The following TMEM266 variants were observed in gnomAD, a reference collection of about 807,000 sequenced individuals.
TMEM266 encodes transmembrane protein 266, also known as Hv1 related protein 1.
A neutral mutation model predicts 50.5 loss-of-function variants in TMEM266; 33 were observed. The ratio of observed to expected loss-of-function variants is 0.65; its 90% confidence interval spans 0.50 to 0.87. The LOEUF is 0.87. Ranked by LOEUF, TMEM266 falls within the 40% of genes least tolerant of loss-of-function variation. TMEM266 has a pLI of 0.00. For missense variants in TMEM266, 655 were observed against 695.1 expected (o/e 0.94, Z 0.65); for synonymous variants, 310 against 292.3 (o/e 1.06, Z -0.62).
intron 1 of TMEM266, among the ~76,000 whole-genome samples, chr15:76,093,734 T>C (rs944720881): frequency 2.6e-4 from 37 of 142,062 alleles, no homozygotes; most frequent in African/African-American, 8.2e-4. Flanking sequence ...CCACCAACAG[T>C]GTAAAAAGCA....
intron 1 of TMEM266, among the ~76,000 whole-genome samples, chr15:76,098,171 A>G (rs1179419516): frequency 6.6e-6 from 1 of 151,920 alleles, no homozygotes; most frequent in Non-Finnish European, 1.5e-5. Flanking sequence ...CCTTTGGAGG[A>G]GAAGAGGCAT....
chr15:76,093,057 C>T (rs1320120920), intron 1 of TMEM266, among the ~76,000 whole-genome samples: 4 of 151,836 alleles, frequency 2.6e-5, no homozygotes, highest in East Asian at 3.9e-4. Flanking sequence ...CCACCCGCCT[C>T]GGCCTCCTAA....
intron 1 of TMEM266, among the ~76,000 whole-genome samples, chr15:76,086,931 G>GGC (rs1555445652): frequency 1.0e-5 from 1 of 98,942 alleles, no homozygotes; most frequent in African/African-American, 3.6e-5. Flanking sequence ...AGCAGGTCGG[G>GGC]GGGGGGGCGG....
intron 8 of TMEM266, among the ~76,000 whole-genome samples, chr15:76,177,270 C>T (rs1018956008): frequency 3.3e-5 from 5 of 152,232 alleles, no homozygotes; most frequent in Admixed American, 6.5e-5. Context: ...GCCAGCACTC[C>T]GCGCGTTGTA....
In TMEM266 at chr15:76,203,778, C is replaced by T; in HGVS notation, c.1059C>T (p.Thr353=). Residue 353 remains threonine (T), a synonymous_variant, in exon 11 of 11, where the codon ACC becomes ACT. Coordinates refer to ENST00000388942, the MANE Select transcript of TMEM266 (RefSeq NM_152335.3). ...CAGAGCCAGCTGTGTGTATGGTCAC[C>T]ACGGCCGCAATAGACATTCACCAGC... 1 of 1,614,106 alleles carries T rather than the reference C, an allele frequency of 6.2e-7. No individual in the cohort carries two copies. The highest frequency in any genetic ancestry group is 8.5e-7 in the Non-Finnish European group (1 of 1,179,972).
chr15:76,102,064 C>T (rs975811351), intron 1 of TMEM266, among the ~76,000 whole-genome samples: 3 of 152,174 alleles, frequency 2.0e-5, no homozygotes, highest in African/African-American at 4.8e-5. Flanking sequence ...GGGTGACCTG[C>T]GGCAACTCTT....
rs183525405 is a variant in TMEM266, at chr15:76,139,569, G to C, written c.227+1674G>C. On this transcript the variant is annotated intron_variant, in intron 3 of 10. Coordinates refer to ENST00000388942, the MANE Select transcript of TMEM266 (RefSeq NM_152335.3). The surrounding 1 kb of genome is among the most constrained non-coding windows in gnomAD (Gnocchi z 4.1). Reference sequence around the variant, plus strand: ...CTAAATGCTCTGCCGCTGCTGTCTTGAAATTCTTAAGGAGCCCCACATTTT... The same window carrying C: ...CTAAATGCTCTGCCGCTGCTGTCTTCAAATTCTTAAGGAGCCCCACATTTT... 1.3e-5 allele frequency among the ~76,000 whole-genome samples: 2 copies of C among 152,334 alleles called. No homozygotes were observed. Among genetic ancestry groups the C allele is most frequent in the East Asian group, 1.9e-4 (1 of 5,186 alleles).
intron 8 of TMEM266, among the ~76,000 whole-genome samples, chr15:76,187,855 C>T (rs1270208848): frequency 6.6e-6 from 1 of 152,176 alleles, no homozygotes; most frequent in Non-Finnish European, 1.5e-5. Context: ...AACTGGTTTC[C>T]TGCATTGATT....
intron 1 of TMEM266, among the ~76,000 whole-genome samples, chr15:76,076,098 T>C (rs1828842438): frequency 6.6e-6 from 1 of 151,780 alleles, no homozygotes; most frequent in African/African-American, 2.4e-5. Context: ...ACTCAAGTGA[T>C]CCTCCTGTCT....
chr15:76,076,738 A>G (rs2141987902), intron 1 of TMEM266, among the ~76,000 whole-genome samples: 1 of 152,204 alleles, frequency 6.6e-6, no homozygotes, highest in South Asian at 2.1e-4. Context: ...ATGGGCCTCA[A>G]AAGATAGAAA....
intron 1 of TMEM266, among the ~76,000 whole-genome samples, chr15:76,099,118 C>T (rs1298046983): frequency 6.6e-6 from 1 of 152,176 alleles, no homozygotes; most frequent in Non-Finnish European, 1.5e-5. Flanking sequence ...TTCCAGGCGC[C>T]ACTGGGGTAT....
At chr15:76,189,351 G>GGGGAGGGA (rs57673397) in intron 8 of TMEM266, among the ~76,000 whole-genome samples, 1 of 143,822 alleles carries the variant, frequency 7.0e-6, no homozygotes, top group African/African-American at 2.8e-5. Context: ...GAAAGAAGGA[G>GGGGAGGGA]GGGAGGGAGG....
rs536493728 is a variant in TMEM266 at position 76,177,737 on chromosome 15, C to T, written c.768+2063C>T. ...AGCTTCATTCATTCTCTTGCCATAT[C>T]GCGTGGTTAGCCAGCACCGTCCAGA... On this transcript the variant is annotated intron_variant, in intron 8 of 10. Transcript: ENST00000388942. 3.9e-5 allele frequency among the ~76,000 whole-genome samples: 6 copies of T among 152,376 alleles called. No homozygotes were observed. The East Asian group carries it at 7.7e-4, about 20-fold the overall frequency.
At chr15:76,080,694 G>A (rs1567143435) in intron 1 of TMEM266, among the ~76,000 whole-genome samples, 1 of 152,050 alleles carries the variant, frequency 6.6e-6, no homozygotes, top group Non-Finnish European at 1.5e-5. Context: ...GCGGCCACCT[G>A]TCTCCTGGCC....
chr15:76,102,672 C>G (rs1394604241), intron 1 of TMEM266, among the ~76,000 whole-genome samples: 1 of 151,940 alleles, frequency 6.6e-6, no homozygotes, highest in East Asian at 1.9e-4. Flanking sequence ...AACTCTATCT[C>G]TACTAAAAAT....
At chr15:76,068,205 T>G (rs748092921) in intron 1 of TMEM266, among the ~76,000 whole-genome samples, 5 of 152,222 alleles carry the variant, frequency 3.3e-5, no homozygotes, top group Non-Finnish European at 7.3e-5. Context: ...TCTGAAAAAC[T>G]TTAAGGCCCC....
intron 1 of TMEM266, among the ~76,000 whole-genome samples, chr15:76,093,699 A>T (rs1222074231): frequency 6.6e-6 from 1 of 151,720 alleles, no homozygotes; most frequent in Non-Finnish European, 1.5e-5. Flanking sequence ...ACTGTCTTCC[A>T]CAATGGTTGA....
At chr15:76,188,384 C>T (rs1294285616) in intron 8 of TMEM266, among the ~76,000 whole-genome samples, 2 of 152,142 alleles carry the variant, frequency 1.3e-5, no homozygotes, top group Non-Finnish European at 2.9e-5. Context: ...GCAGGCAGAT[C>T]ATGAGGTCAG....
chr15:76,171,851 G>C (rs1263119432), intron 7 of TMEM266, among the ~76,000 whole-genome samples: 1 of 152,192 alleles, frequency 6.6e-6, no homozygotes, highest in Non-Finnish European at 1.5e-5. Context: ...GGTGGTGACA[G>C]ACCAGAGTGA....
Sources: gnomAD v4.1 joint callset for allele counts (sites outside exome capture counted in the v4.1 genomes callset) on GRCh38, gnomAD v4.1.1 for gene constraint, Gnocchi (gnomAD v3.1) non-coding constraint, MANE v1.5 for transcripts, NCBI Gene and HGNC (gene_info 2026-07-23, HGNC 2026-07-21) for gene names.